The following ZSWIM5 variants were observed in gnomAD, a reference collection of about 807,000 sequenced individuals.
ZSWIM5 encodes zinc finger SWIM domain-containing protein 5.
In ZSWIM5, 55 loss-of-function variants were observed where a neutral mutation model predicts 119.6. That is an observed-to-expected ratio of 0.46 (90% CI 0.37 to 0.58). The LOEUF is 0.58. Among genes scored for constraint, ZSWIM5 ranks in the 20% least tolerant of loss-of-function variants. The pLI, the probability that ZSWIM5 is intolerant of heterozygous loss-of-function variation, is 0.00. For synonymous variants in ZSWIM5, 537 were observed against 606.9 expected, an observed-to-expected ratio of 0.88 and a Z score of 1.69; for missense variants, 1,193 against 1,512.8, an observed-to-expected ratio of 0.79 and a Z score of 3.51.
chr1:45,177,521 ACCTT>A (rs1645988652), intron 1 of ZSWIM5, among the ~76,000 whole-genome samples: 6 of 152,110 alleles, frequency 3.9e-5, no homozygotes, highest in Admixed American at 2.6e-4. Flanking sequence ...TGCAAAATAT[ACCTT>A]TAATAGCAAA....
At chr1:45,187,583 C>T (rs960751283) in intron 1 of ZSWIM5, among the ~76,000 whole-genome samples, 2 of 151,352 alleles carry the variant, frequency 1.3e-5, no homozygotes, top group Non-Finnish European at 1.5e-5. Context: ...AAAAAGCAAC[C>T]GAGAAAAAAA....
chr1:45,070,875 G>GT (rs1258282176), intron 2 of ZSWIM5, among the ~76,000 whole-genome samples: 56 of 152,136 alleles, frequency 3.7e-4, no homozygotes, highest in African/African-American at 1.2e-3. Context: ...TATTTTACAG[G>GT]TATCGTGCTT....
chr1:45,189,386 T>C lies in ZSWIM5; in HGVS notation c.595+16370A>G, dbSNP rs181487974. On this transcript the variant is annotated intron_variant, in intron 1 of 13. Transcript: ENST00000359600. ...ACACAAAGTAATAATCTGAAAACTT[T>C]TGCAATTAGTACTTTAATAATATAT... is the stretch of plus-strand genomic sequence containing the variant. Among the ~76,000 whole-genome samples the C allele has an allele frequency of 9.0e-4, 137 of 152,224 alleles. 1 individual carries two copies. The highest frequency in any genetic ancestry group is 1.5e-3 in the Non-Finnish European group (104 of 68,008).
chr1:45,200,238 T>C (rs1646150821), intron 1 of ZSWIM5, among the ~76,000 whole-genome samples: 2 of 152,152 alleles, frequency 1.3e-5, no homozygotes, highest in Admixed American at 1.3e-4. Context: ...CTATATATGA[T>C]TACAAAAACT....
chr1:45,176,910 C>G (rs1167605865), intron 1 of ZSWIM5, among the ~76,000 whole-genome samples: 1 of 152,102 alleles, frequency 6.6e-6, no homozygotes, highest in African/African-American at 2.4e-5. Flanking sequence ...CACTTTGGCT[C>G]TAGCACCCCA....
chr1:45,054,679 A>ATT (rs1645110777), intron 4 of ZSWIM5, among the ~76,000 whole-genome samples: 1 of 152,182 alleles, frequency 6.6e-6, no homozygotes, highest in African/African-American at 2.4e-5. Context: ...AATATTAAAT[A>ATT]TAATAAAATA....
chr1:45,142,006 C>G (rs1452431402), intron 1 of ZSWIM5, among the ~76,000 whole-genome samples: 14 of 152,004 alleles, frequency 9.2e-5, no homozygotes, highest in Admixed American at 9.2e-4. Context: ...CCTAGCAGTT[C>G]TAAGCCAGCC....
chr1:45,161,406 T>C (rs919201871), intron 1 of ZSWIM5, among the ~76,000 whole-genome samples: 5 of 152,240 alleles, frequency 3.3e-5, no homozygotes, highest in Non-Finnish European at 7.3e-5. Context: ...TCTGCATCCT[T>C]GCAAGCATCT....
intron 1 of ZSWIM5, among the ~76,000 whole-genome samples, chr1:45,105,896 C>A (rs12354103): frequency 1.5e-5 from 2 of 135,938 alleles, no homozygotes; most frequent in African/African-American, 5.8e-5. Flanking sequence ...CACCTCTGCC[C>A]GGCCGCCCCG....
intron 1 of ZSWIM5, among the ~76,000 whole-genome samples, chr1:45,108,224 G>T (rs1645493713): frequency 6.6e-6 from 1 of 152,212 alleles, no homozygotes. Context: ...CAAAATGGTA[G>T]TTAGAGGCTA....
chr1:45,062,039 G>A (rs898571384), intron 2 of ZSWIM5, among the ~76,000 whole-genome samples: 5 of 152,062 alleles, frequency 3.3e-5, no homozygotes, highest in Admixed American at 2.0e-4. Flanking sequence ...GCAGTGAGCC[G>A]AGATCGTGCC....
intron 1 of ZSWIM5, among the ~76,000 whole-genome samples, chr1:45,181,653 A>C (rs1244226289): frequency 2.6e-5 from 4 of 152,166 alleles, no homozygotes; most frequent in Admixed American, 2.6e-4. Context: ...GTTGAAATGA[A>C]GGAAAAAATG....
Position 45,035,673 on chromosome 1 carries a change from G to T in ZSWIM5, c.2291+15C>A, listed in dbSNP as rs1430673106. ...GCTTTGGTGGAGGCAATTGGACTGG[G>T]AAAGGGCTACCCACCTCATGGCACG... On this transcript the variant is annotated intron_variant, in intron 10 of 13. Transcript: ENST00000359600. 2 of 1,611,826 alleles carry T rather than the reference G, an allele frequency of 1.2e-6. No individual in the cohort carries two copies. Among genetic ancestry groups the T allele is most frequent in the Non-Finnish European group, 1.7e-6 (2 of 1,179,560 alleles).
chr1:45,121,246 C>T (rs534159744), intron 1 of ZSWIM5, among the ~76,000 whole-genome samples: 5 of 152,336 alleles, frequency 3.3e-5, no homozygotes, highest in African/African-American at 7.2e-5. Context: ...CCACAGCACC[C>T]GGCCCACCTT....
chr1:45,155,728 C>T (rs1261368512), intron 1 of ZSWIM5, among the ~76,000 whole-genome samples: 2 of 152,154 alleles, frequency 1.3e-5, no homozygotes, highest in Non-Finnish European at 2.9e-5. Flanking sequence ...TAATGGCACT[C>T]GCAGCAACCT....
At chr1:45,164,907 C>T (rs961299399) in intron 1 of ZSWIM5, among the ~76,000 whole-genome samples, 7 of 152,024 alleles carry the variant, frequency 4.6e-5, no homozygotes, top group African/African-American at 9.7e-5. Context: ...GACAGATCAA[C>T]GAGACAGAAA....
intron 9 of ZSWIM5, 64 bp from the exon 10 acceptor site, chr1:45,035,887 G>A: frequency 1.9e-6 from 3 of 1,596,420 alleles, no homozygotes; most frequent in Non-Finnish European, 2.6e-6. Context: ...CTGGACTTGA[G>A]CCCCAGTATC....
intron 1 of ZSWIM5, among the ~76,000 whole-genome samples, chr1:45,089,360 T>C (rs925714950): frequency 6.6e-6 from 1 of 152,182 alleles, no homozygotes; most frequent in Admixed American, 6.5e-5. Flanking sequence ...CAACAAAAGT[T>C]TAATGAGACC....
chr1:45,058,551 C>G, intron 4 of ZSWIM5, 58 bp downstream of exon 4: 1 of 1,603,046 alleles, frequency 6.2e-7, no homozygotes, highest in Non-Finnish European at 8.5e-7. Context: ...CTCATAAACA[C>G]TGTTGCCACA....
Sources: allele counts gnomAD v4.1 joint callset (sites outside exome capture counted in the v4.1 genomes callset), GRCh38; gene constraint gnomAD v4.1.1; transcripts MANE v1.5; gene names NCBI Gene and HGNC (gene_info 2026-07-23, HGNC 2026-07-21).